Variants in RMST observed in about 807,000 individuals in gnomAD.
RMST encodes the protein rhabdomyosarcoma 2 associated transcript.
At chr12:97,532,971 C>T (rs957953877) in intron 11 of RMST, 12 of 151,624 alleles carry the variant, frequency 7.9e-5, no homozygotes, top group Non-Finnish European at 1.3e-4. Flanking sequence ...TCGAGCAGGT[C>T]GTATGTCATT....
intron 5 of RMST, among the ~76,000 whole-genome samples, chr12:97,487,237 A>C (rs971108833): frequency 6.6e-6 from 1 of 152,146 alleles, no homozygotes; most frequent in African/African-American, 2.4e-5. Flanking sequence ...CCTGGGTTGG[A>C]TTTGTGTGTG....
intron 11 of RMST, among the ~76,000 whole-genome samples, chr12:97,537,046 T>C (rs1426824100): frequency 1.3e-5 from 2 of 151,522 alleles, no homozygotes; most frequent in Admixed American, 1.3e-4. Context: ...AAGGGCATTG[T>C]GTAGAATCAG....
At chr12:97,551,368 A>C (rs572333151) in intron 11 of RMST, among the ~76,000 whole-genome samples, 23 of 152,298 alleles carry the variant, frequency 1.5e-4, no homozygotes, top group South Asian at 4.1e-4. Context: ...TAGGAGAAGC[A>C]AAAGGGAAAT....
Position 97,531,595 on chromosome 12 carries a change from G to T in RMST, n.1545+736G>T, listed in dbSNP as rs1247608074. 1.2e-4 allele frequency among the ~76,000 whole-genome samples: 18 copies of T among 152,086 alleles called. No individual in the cohort carries two copies. The East Asian group carries it at 3.3e-3, about 28-fold the overall frequency. On this transcript the variant is annotated intron_variant and non_coding_transcript_variant, in intron 11 of 13. Transcript: ENST00000640149. Reference sequence around the variant, plus strand: ...CATGTGCCTGTGTGTATGTGGCTGTGCACTTAATCTAAGTACAAAGAGGGA... The same window carrying T: ...CATGTGCCTGTGTGTATGTGGCTGTTCACTTAATCTAAGTACAAAGAGGGA...
intron 11 of RMST, among the ~76,000 whole-genome samples, chr12:97,534,511 G>A (rs1242010150): frequency 6.6e-6 from 1 of 151,572 alleles, no homozygotes; most frequent in African/African-American, 2.4e-5. Flanking sequence ...TTAATTATTA[G>A]CAGTCTTTTT....
intron 10 of RMST, among the ~76,000 whole-genome samples, chr12:97,505,108 T>C (rs1328742146): frequency 1.3e-5 from 2 of 152,254 alleles, no homozygotes; most frequent in South Asian, 2.1e-4. Flanking sequence ...ATTTATACTT[T>C]GAAATAAGTG....
At chr12:97,488,155 G>A (rs149615531) in intron 5 of RMST, among the ~76,000 whole-genome samples, 2,850 of 152,172 alleles carry the variant, frequency 0.019, 83 homozygotes, top group African/African-American at 0.065. Flanking sequence ...AGGCTGAAGC[G>A]GGTGGATCAC....
intron 11 of RMST, among the ~76,000 whole-genome samples, chr12:97,538,829 C>T (rs1882291525): frequency 6.6e-6 from 1 of 151,240 alleles, no homozygotes. Flanking sequence ...TTAGATCCTG[C>T]AGAATTACAA....
At chr12:97,552,232 C>G (rs1348541723) in intron 11 of RMST, 1 of 152,152 alleles carries the variant, frequency 6.6e-6, no homozygotes, top group African/African-American at 2.4e-5. Flanking sequence ...ATAGAAATCT[C>G]ATATAATAAG....
At chr12:97,547,535 A>G (rs186831475) in intron 11 of RMST, among the ~76,000 whole-genome samples, 80 of 152,190 alleles carry the variant, frequency 5.3e-4, no homozygotes, top group African/African-American at 1.9e-3. Flanking sequence ...TCCCCTTTCT[A>G]CACATCCAAA....
chr12:97,538,988 A>G (rs1257668474), intron 11 of RMST, among the ~76,000 whole-genome samples: 7 of 151,502 alleles, frequency 4.6e-5, no homozygotes, highest in Non-Finnish European at 1.0e-4. Flanking sequence ...CAAAAATAGA[A>G]AAATGGGCAT....
At chr12:97,522,389 T>C (rs1377811486) in intron 10 of RMST, among the ~76,000 whole-genome samples, 2 of 152,206 alleles carry the variant, frequency 1.3e-5, no homozygotes, top group Non-Finnish European at 2.9e-5. Flanking sequence ...ACATTACTCT[T>C]CAGAAACAGT....
At chr12:97,494,578 A>T (rs1174840935) in intron 8 of RMST, 1 of 152,112 alleles carries the variant, frequency 6.6e-6, no homozygotes, top group Non-Finnish European at 1.5e-5. Context: ...GACAGTTAAA[A>T]TATAAAATTC....
chr12:97,490,853 A>G (rs969012030), intron 5 of RMST, among the ~76,000 whole-genome samples: 1 of 152,154 alleles, frequency 6.6e-6, no homozygotes, highest in Non-Finnish European at 1.5e-5. Flanking sequence ...GCGAAAGGGG[A>G]TTTGATGTAT....
chr12:97,475,983 TG>T (rs939057327), intron 5 of RMST, among the ~76,000 whole-genome samples: 1 of 152,172 alleles, frequency 6.6e-6, no homozygotes, highest in African/African-American at 2.4e-5. Flanking sequence ...TAAGTGGCTG[TG>T]GAGGACTATA....
intron 11 of RMST, among the ~76,000 whole-genome samples, chr12:97,545,300 TTTC>T (rs770109700): frequency 6.6e-6 from 1 of 152,058 alleles, no homozygotes; most frequent in Non-Finnish European, 1.5e-5. Context: ...TTACATATGT[TTTC>T]TTCTTTCCAC....
chr12:97,548,061 T>C (rs1883064339), intron 11 of RMST, among the ~76,000 whole-genome samples: 1 of 152,134 alleles, frequency 6.6e-6, no homozygotes, highest in African/African-American at 2.4e-5. Flanking sequence ...CTATTTTGAA[T>C]TGATTTTTGT....
intron 10 of RMST, among the ~76,000 whole-genome samples, chr12:97,504,843 T>C (rs1878496160): frequency 6.6e-6 from 1 of 152,198 alleles, no homozygotes; most frequent in African/African-American, 2.4e-5. Context: ...GTGAGTTCTC[T>C]TTATGCATTG....
chr12:97,537,308 A>G (rs545343257), intron 11 of RMST, among the ~76,000 whole-genome samples: 65 of 151,514 alleles, frequency 4.3e-4, no homozygotes, highest in African/African-American at 1.5e-3. Flanking sequence ...ATGTGAATCA[A>G]CTTTACTATG....
Sources: gnomAD v4.1 joint callset for allele counts (sites outside exome capture counted in the v4.1 genomes callset) on GRCh38, gnomAD v4.1.1 for gene constraint, MANE v1.5 for transcripts, NCBI Gene and HGNC (gene_info 2026-07-23, HGNC 2026-07-21) for gene names.